ADK: variants seen among roughly 807,000 people sequenced by gnomAD.
The protein encoded by ADK is N6,N6-dimethyladenosine kinase.
In ADK, 24 loss-of-function variants were observed where a neutral mutation model predicts 44.7. The observed-to-expected ratio is 0.54, with a 90% CI of 0.39 to 0.76. The LOEUF is 0.76. ADK is among the 30% of genes least tolerant of loss of function. ADK has a pLI of 0.00. For synonymous variants in ADK, 128 were observed against 142.6 expected (o/e 0.90, Z 0.73); for missense variants, 321 against 425.1 (o/e 0.76, Z 2.15).
At chr10:74,530,011 A>G (rs1849218536) in intron 7 of ADK, among the ~76,000 whole-genome samples, 1 of 152,230 alleles carries the variant, frequency 6.6e-6, no homozygotes, top group Non-Finnish European at 1.5e-5. Context: ...TGCAAATAAT[A>G]CAACACCTTA....
intron 6 of ADK, among the ~76,000 whole-genome samples, chr10:74,444,572 C>T (rs1845530842): frequency 6.6e-6 from 1 of 151,966 alleles, no homozygotes; most frequent in Non-Finnish European, 1.5e-5. Context: ...TATTTTGTAG[C>T]AAGGGGTTGG....
chr10:74,291,376 C>CA (rs1248700365), intron 3 of ADK, among the ~76,000 whole-genome samples: 1 of 152,144 alleles, frequency 6.6e-6, no homozygotes, highest in Admixed American at 6.6e-5. Context: ...GAGACCGCAC[C>CA]ATTGCACTCC....
chr10:74,592,932 A>G (rs527238164), intron 8 of ADK, among the ~76,000 whole-genome samples: 7 of 152,358 alleles, frequency 4.6e-5, no homozygotes, highest in Admixed American at 3.9e-4. Flanking sequence ...TGAGTACTCT[A>G]TAGACTATGT....
intron 7 of ADK, among the ~76,000 whole-genome samples, chr10:74,579,233 T>TAAAA (rs10719538): frequency 7.1e-6 from 1 of 141,456 alleles, no homozygotes; most frequent in Non-Finnish European, 1.6e-5. Context: ...GACCCTGTCT[T>TAAAA]AAAAAAAAAA....
chr10:74,579,416 C>T (rs1314378748), intron 7 of ADK, among the ~76,000 whole-genome samples: 1 of 152,120 alleles, frequency 6.6e-6, no homozygotes, highest in African/African-American at 2.4e-5. Flanking sequence ...TGAACTTCTG[C>T]TGGATGTACT....
At chr10:74,478,523 A>G (rs558305677) in intron 6 of ADK, among the ~76,000 whole-genome samples, 12 of 152,316 alleles carry the variant, frequency 7.9e-5, no homozygotes, top group African/African-American at 2.4e-4. Context: ...ACACCCAGCA[A>G]TTCTTTAAAT....
At chr10:74,399,336 G>A (rs950818738) in intron 6 of ADK, among the ~76,000 whole-genome samples, 7 of 151,046 alleles carry the variant, frequency 4.6e-5, no homozygotes, top group Non-Finnish European at 1.0e-4. Flanking sequence ...CTGTGAAATA[G>A]CTGGTAAGAT....
intron 10 of ADK, among the ~76,000 whole-genome samples, chr10:74,672,744 C>T (rs1431087102): frequency 6.6e-6 from 1 of 152,114 alleles, no homozygotes; most frequent in Non-Finnish European, 1.5e-5. Context: ...TTATACAGTA[C>T]CTACTAACCA....
chr10:74,256,497 T>C (rs1246827655), intron 3 of ADK, among the ~76,000 whole-genome samples: 2 of 152,114 alleles, frequency 1.3e-5, no homozygotes, highest in East Asian at 3.8e-4. Flanking sequence ...ATTGTAAAGA[T>C]TTAAACTTTT....
At position 74,419,890 on chromosome 10, in the gene ADK, G is replaced by A. The variant is rs186337949; in HGVS notation, c.555+21311G>A. Among the ~76,000 whole-genome samples, 337 of 152,272 alleles carry A rather than the reference G, an allele frequency of 2.2e-3. 6 individuals are homozygous for A. Among genetic ancestry groups the A allele is most frequent in the Non-Finnish European group, 3.2e-3 (217 of 68,002 alleles). ...AAAAAAAGAACTATAGGAGGCAAGT[G>A]CTTCCATTAGAAGAGTTTTTAAATC... On this transcript the variant is annotated intron_variant, in intron 6 of 10. Coordinates refer to ENST00000539909, the MANE Select transcript of ADK (RefSeq NM_006721.4).
intron 3 of ADK, among the ~76,000 whole-genome samples, chr10:74,304,287 A>T (rs1398525768): frequency 6.6e-6 from 1 of 152,068 alleles, no homozygotes; most frequent in Non-Finnish European, 1.5e-5. Context: ...TTTTCTGCAA[A>T]ATCAGTAACT....
chr10:74,478,492 G>A (rs1846943896), intron 6 of ADK, among the ~76,000 whole-genome samples: 1 of 152,126 alleles, frequency 6.6e-6, no homozygotes, highest in Non-Finnish European at 1.5e-5. Context: ...CATAATGCTG[G>A]GATTAAAGAC....
intron 10 of ADK, among the ~76,000 whole-genome samples, chr10:74,705,046 T>C (rs1856551089): frequency 6.6e-6 from 1 of 152,374 alleles, no homozygotes; most frequent in East Asian, 1.9e-4. Flanking sequence ...GGAATACTTA[T>C]TTGTTTCATC....
chr10:74,607,796 A>C (rs1243349642), intron 9 of ADK, among the ~76,000 whole-genome samples: 1 of 152,090 alleles, frequency 6.6e-6, no homozygotes, highest in Non-Finnish European at 1.5e-5. Context: ...AGATTGGGGA[A>C]GCTTTCTTGG....
At chr10:74,338,148 G>A (rs1841471469) in intron 4 of ADK, among the ~76,000 whole-genome samples, 1 of 151,764 alleles carries the variant, frequency 6.6e-6, no homozygotes, top group Admixed American at 6.6e-5. Flanking sequence ...AAACTTAAAT[G>A]ATAAAAATGA....
chr10:74,371,105 A>G (rs1842643940), intron 4 of ADK, among the ~76,000 whole-genome samples: 1 of 152,196 alleles, frequency 6.6e-6, no homozygotes, highest in African/African-American at 2.4e-5. Flanking sequence ...AGCTATTGCA[A>G]CTTTGGGGTT....
At chr10:74,660,276 G>T (rs1854659094) in intron 9 of ADK, among the ~76,000 whole-genome samples, 1 of 152,046 alleles carries the variant, frequency 6.6e-6, no homozygotes, top group Non-Finnish European at 1.5e-5. Flanking sequence ...CTACAGGAAT[G>T]CACCACCACA....
intron 4 of ADK, among the ~76,000 whole-genome samples, chr10:74,318,689 A>G: frequency 6.6e-6 from 1 of 152,232 alleles, no homozygotes; most frequent in Admixed American, 6.5e-5. Flanking sequence ...AGAGTGTTTT[A>G]AAGTGATGGA....
chr10:74,532,993 T>G (rs952826581), intron 7 of ADK, among the ~76,000 whole-genome samples: 19 of 151,724 alleles, frequency 1.3e-4, no homozygotes, highest in African/African-American at 4.4e-4. Flanking sequence ...ATAAAAAATT[T>G]AAATCTCAAA....
Sources: allele counts gnomAD v4.1 joint callset (sites outside exome capture counted in the v4.1 genomes callset), GRCh38; gene constraint gnomAD v4.1.1; transcripts MANE v1.5; gene names NCBI Gene and HGNC (gene_info 2026-07-23, HGNC 2026-07-21).